Variants in FHOD3 observed in about 807,000 individuals in gnomAD.
FHOD3 encodes the protein FH1/FH2 domain-containing protein 3.
A neutral mutation model predicts 173.0 loss-of-function variants in FHOD3; 90 were observed. The observed-to-expected ratio is 0.52, with a 90% CI of 0.44 to 0.62. FHOD3 has a LOEUF of 0.62. FHOD3 is among the 20% of genes least tolerant of loss of function. The pLI, the probability that FHOD3 is intolerant of heterozygous loss-of-function variation, is 0.00. For missense variants in FHOD3, 1,945 were observed against 2,034.7 expected (o/e 0.96, Z 0.85); for synonymous variants, 828 against 823.0 (o/e 1.01, Z -0.10).
chr18:36,504,356 C>T (rs12607135), intron 4 of FHOD3, among the ~76,000 whole-genome samples: 20,483 of 151,996 alleles, frequency 0.13, 2,055 homozygotes, highest in East Asian at 0.57. Context: ...AGGGTCCCTC[C>T]GAATACCATT....
intron 1 of FHOD3, among the ~76,000 whole-genome samples, chr18:36,309,573 C>T (rs1464418895): frequency 3.3e-5 from 5 of 152,208 alleles, no homozygotes; most frequent in East Asian, 1.9e-4. Context: ...CTCCTGACCG[C>T]AGCTTCTGTG....
intron 1 of FHOD3, among the ~76,000 whole-genome samples, chr18:36,305,799 C>T (rs987322312): frequency 1.3e-5 from 2 of 152,196 alleles, no homozygotes; most frequent in Non-Finnish European, 1.5e-5. Flanking sequence ...ACCAGAGCCA[C>T]ACACAGCCTG....
intron 5 of FHOD3, among the ~76,000 whole-genome samples, chr18:36,547,771 T>C (rs2057473134): frequency 6.6e-6 from 1 of 152,228 alleles, no homozygotes; most frequent in East Asian, 1.9e-4. Flanking sequence ...ACAGCCACCT[T>C]GTCCGCTGCC....
intron 5 of FHOD3, among the ~76,000 whole-genome samples, chr18:36,562,361 G>A (rs1216046062): frequency 6.6e-6 from 1 of 152,204 alleles, no homozygotes; most frequent in Non-Finnish European, 1.5e-5. Context: ...TCCCATTATA[G>A]AGGTCTATAA....
intron 18 of FHOD3, among the ~76,000 whole-genome samples, chr18:36,715,735 G>A (rs1049948867): frequency 1.3e-5 from 2 of 152,220 alleles, no homozygotes; most frequent in African/African-American, 4.8e-5. Context: ...CATAAGAGCT[G>A]TGATGAAAAA....
intron 1 of FHOD3, among the ~76,000 whole-genome samples, chr18:36,324,796 T>C (rs2044581850): frequency 6.6e-6 from 1 of 152,230 alleles, no homozygotes; most frequent in Non-Finnish European, 1.5e-5. Flanking sequence ...AAGCTGAACA[T>C]ATGCATGGTC....
intron 16 of FHOD3, among the ~76,000 whole-genome samples, chr18:36,688,264 C>T (rs189704092): frequency 5.3e-5 from 8 of 152,324 alleles, no homozygotes; most frequent in Non-Finnish European, 8.8e-5. Flanking sequence ...GCTTTTAACA[C>T]CTTTTATGCT....
At chr18:36,422,628 G>A (rs1451565912) in intron 3 of FHOD3, among the ~76,000 whole-genome samples, 1 of 152,180 alleles carries the variant, frequency 6.6e-6, no homozygotes, top group East Asian at 1.9e-4. Context: ...CAATGTGAAT[G>A]TGGTCTGAGG....
chr18:36,453,283 A>G (rs1017186964), intron 3 of FHOD3, among the ~76,000 whole-genome samples: 1 of 152,242 alleles, frequency 6.6e-6, no homozygotes, highest in Non-Finnish European at 1.5e-5. Context: ...TGAGTTTGGC[A>G]AAGATTTTAA....
intron 2 of FHOD3, among the ~76,000 whole-genome samples, chr18:36,362,610 C>A (rs1211676965): frequency 6.6e-6 from 1 of 152,004 alleles, no homozygotes; most frequent in Admixed American, 6.6e-5. Context: ...GTCTGGAGGT[C>A]GTGTCCTGGA....
intron 5 of FHOD3, among the ~76,000 whole-genome samples, chr18:36,527,406 C>T (rs76654929): frequency 0.012 from 1,886 of 152,326 alleles, 42 homozygotes; most frequent in African/African-American, 0.042. Context: ...GAGATAGTAG[C>T]AGTGCATCCT....
chr18:36,718,370 AC>A lies in FHOD3; in HGVS notation c.3077del (p.Pro1026HisfsTer42). On this transcript the variant is annotated frameshift_variant, in exon 19 of 29. Coordinates refer to ENST00000590592, the MANE Select transcript of FHOD3 (RefSeq NM_001281740.3). LOFTEE classifies it high-confidence loss of function. The part of the protein sequence containing the change: ...HREAPGPPPP[P>X]PPTFLGLPPP... ...GGGAGGCCCCTGGGCCACCTCCCCC[AC>A]CCCCACCCACCTTTCTGGGTTTGCC... 2.1e-6 allele frequency: 1 copy of A among 485,478 alleles called. No individual in the cohort carries two copies. The allele number at this position is 485,478 out of a possible 1,614,324, so 30.1% of individuals were successfully genotyped here.
chr18:36,562,831 A>G (rs1306271631), intron 5 of FHOD3, among the ~76,000 whole-genome samples: 34 of 152,214 alleles, frequency 2.2e-4, no homozygotes, highest in Admixed American at 2.2e-3. Context: ...ACCAACACCA[A>G]TGCCAGGTCT....
intron 10 of FHOD3, among the ~76,000 whole-genome samples, chr18:36,628,517 A>G (rs981311935): frequency 1.3e-5 from 2 of 152,254 alleles, no homozygotes; most frequent in Non-Finnish European, 2.9e-5. Context: ...TTTAATTCTA[A>G]TAAAGACTAA....
intron 10 of FHOD3, among the ~76,000 whole-genome samples, chr18:36,641,966 A>T (rs969513414): frequency 1.3e-5 from 2 of 151,770 alleles, no homozygotes; most frequent in Admixed American, 6.6e-5. Context: ...AAAAAAAAAA[A>T]ATTGTTAAAT....
chr18:36,347,454 A>G (rs1287042926), intron 1 of FHOD3, among the ~76,000 whole-genome samples: 2 of 152,202 alleles, frequency 1.3e-5, no homozygotes, highest in Non-Finnish European at 2.9e-5. Context: ...GTTGACTTAA[A>G]TAGAAATCTT....
In FHOD3 at chr18:36,752,944, T is replaced by C. The variant is rs143722718; in HGVS notation, c.4233-2175T>C. 7.2e-5 allele frequency among the ~76,000 whole-genome samples: 11 copies of C among 152,282 alleles called. No homozygotes were observed. The East Asian group carries it at 2.1e-3, about 29-fold the overall frequency. Reference sequence around the variant, plus strand: ...ATTATACTGTACTGTCCTATCCTAATATCATATCATATATCTAATATATAA... The same window carrying C: ...ATTATACTGTACTGTCCTATCCTAACATCATATCATATATCTAATATATAA... On this transcript the variant is annotated intron_variant, in intron 24 of 28. Coordinates refer to ENST00000590592, the MANE Select transcript of FHOD3 (RefSeq NM_001281740.3).
chr18:36,377,842 C>T (rs1454654402), intron 3 of FHOD3, among the ~76,000 whole-genome samples: 1 of 152,200 alleles, frequency 6.6e-6, no homozygotes, highest in Non-Finnish European at 1.5e-5. Context: ...GCCCACCTGC[C>T]CTGCTTTCAT....
At position 36,779,642 on chromosome 18, in the gene FHOD3, A is replaced by T. The variant is rs2150505002; in HGVS notation, c.*112A>T. On this transcript the variant is annotated 3_prime_UTR_variant, in exon 29 of 29. Transcript: ENST00000590592. ...GATATTCACATCCAACAGTTTGAAA[A>T]GGGAGAGCTCAATTCCCAGCGTCAC... 1 of 919,484 alleles carries T rather than the reference A, an allele frequency of 1.1e-6. No homozygotes were observed. The highest frequency in any genetic ancestry group is 2.6e-5 in the East Asian group (1 of 38,508). The allele number at this position is 919,484 out of a possible 1,614,324, so 57.0% of individuals were successfully genotyped here. A position where few individuals can be genotyped will look rare whatever the true frequency, so the allele number is the denominator to read the frequency against.
Sources: gnomAD v4.1 joint callset for allele counts (sites outside exome capture counted in the v4.1 genomes callset) on GRCh38, gnomAD v4.1.1 for gene constraint, MANE v1.5 for transcripts, NCBI Gene and HGNC (gene_info 2026-07-23, HGNC 2026-07-21) for gene names.